The following ATP8B4 variants were observed in gnomAD, a reference collection of about 807,000 sequenced individuals.
The protein encoded by ATP8B4 is ATPase phospholipid transporting 8B4 (putative).
In ATP8B4, 133 loss-of-function variants were observed where a neutral mutation model predicts 145.6. The observed-to-expected ratio is 0.91, with a 90% CI of 0.79 to 1.05. ATP8B4 has a LOEUF of 1.05. ATP8B4 is among the 50% of genes least tolerant of loss of function. The pLI is 0.00. For synonymous variants in ATP8B4, 507 were observed against 492.9 expected, an observed-to-expected ratio of 1.03 and a Z score of -0.38; for missense variants, 1,458 against 1,425.2, an observed-to-expected ratio of 1.02 and a Z score of -0.37.
At chr15:49,991,325 C>G (rs772561464) in intron 9 of ATP8B4, among the ~76,000 whole-genome samples, 2 of 152,166 alleles carry the variant, frequency 1.3e-5, no homozygotes, top group Non-Finnish European at 2.9e-5. Flanking sequence ...TCAGCATTAA[C>G]AGTCATACAA....
chr15:50,114,103 C>CTTTTTTTTTTTTGTTTTTTTTTTT (rs2057081986), intron 1 of ATP8B4, among the ~76,000 whole-genome samples: 1 of 55,644 alleles, frequency 1.8e-5, no homozygotes, highest in Non-Finnish European at 3.1e-5. Context: ...CTCCTAGTTT[C>CTTTTTTTTTTTTGTTTTTTTTTTT]TTTTTTTTTT....
At chr15:50,080,079 C>T (rs2054444158) in intron 2 of ATP8B4, among the ~76,000 whole-genome samples, 1 of 152,096 alleles carries the variant, frequency 6.6e-6, no homozygotes, top group Admixed American at 6.5e-5. Context: ...TGAATCTGCT[C>T]CAGAATATAG....
intron 24 of ATP8B4, among the ~76,000 whole-genome samples, chr15:49,878,622 T>A (rs992170315): frequency 6.6e-6 from 1 of 152,226 alleles, no homozygotes; most frequent in Non-Finnish European, 1.5e-5. Context: ...GCAGCCAGAC[T>A]TTTTCCCCTT....
intron 3 of ATP8B4, among the ~76,000 whole-genome samples, chr15:50,054,225 C>T (rs894447025): frequency 6.6e-6 from 1 of 152,154 alleles, no homozygotes; most frequent in Non-Finnish European, 1.5e-5. Context: ...CATGAGTCTC[C>T]TCATCAGATA....
At chr15:50,008,145 A>G (rs569521676) in intron 7 of ATP8B4, among the ~76,000 whole-genome samples, 151 of 152,240 alleles carry the variant, frequency 9.9e-4, no homozygotes, top group African/African-American at 3.6e-3. Context: ...CAATACCCCC[A>G]CCACAGGGAT....
chr15:49,907,908 G>A, intron 20 of ATP8B4: 2 of 371,808 alleles, frequency 5.4e-6, no homozygotes, highest in South Asian at 4.1e-5. Context: ...TATATTTTTA[G>A]GTTAATTATT....
Position 49,860,204 on chromosome 15 carries a change from A to C in ATP8B4, c.3569T>G (p.Val1190Gly), listed in dbSNP as rs16962987. The change falls in exon 28 of 28, where the codon GTG (valine) becomes GGG (glycine). Residue 1190 changes from valine (V) to glycine (G), a missense_variant. Coordinates refer to ENST00000284509, the MANE Select transcript of ATP8B4 (RefSeq NM_024837.4). ...TAAATTCATATTGACTCACAGTTTC[A>C]CTGTTTTATCCTGGCTAAAGCTGCT... ...TVSSFSQDKTVKL is the reference protein window; with the variant it reads ...TVSSFSQDKTGKL The C allele has an allele frequency of 1.1e-3, 1,837 of 1,609,008 alleles. 21 individuals are homozygous for C. The African/African-American group carries it at 0.022, about 19-fold the overall frequency.
intron 15 of ATP8B4, among the ~76,000 whole-genome samples, chr15:49,933,370 G>C (rs537205420): frequency 6.6e-6 from 1 of 152,118 alleles, no homozygotes; most frequent in East Asian, 1.9e-4. Flanking sequence ...GAATAGATTA[G>C]GTTCAACTAG....
At chr15:50,158,442 G>T (rs1013793989) in intron 1 of ATP8B4, among the ~76,000 whole-genome samples, 7 of 151,038 alleles carry the variant, frequency 4.6e-5, no homozygotes, top group African/African-American at 1.7e-4. Flanking sequence ...GAGGTGGGGG[G>T]TCAGACCCCG....
intron 3 of ATP8B4, among the ~76,000 whole-genome samples, chr15:50,069,207 A>G (rs2053572468): frequency 2.6e-5 from 4 of 152,170 alleles, no homozygotes; most frequent in Admixed American, 2.6e-4. Context: ...CCCTCTTGTA[A>G]TTTGACGTTT....
chr15:49,965,745 T>G lies in ATP8B4; in HGVS notation c.1244-3725A>C, dbSNP rs116647613. Among the ~76,000 whole-genome samples the G allele has an allele frequency of 6.5e-3, 995 of 152,144 alleles. 14 individuals are homozygous for G. Among genetic ancestry groups the G allele is most frequent in the African/African-American group, 0.023 (953 of 41,478 alleles). ...AAAATGCTGCCCTTACTGACATAACTCAGGCTACCAAGAACTTGCCCTCCC... is the reference window on the plus strand; with the variant it reads ...AAAATGCTGCCCTTACTGACATAACGCAGGCTACCAAGAACTTGCCCTCCC... On this transcript the variant is annotated intron_variant, in intron 13 of 27. Coordinates refer to ENST00000284509, the MANE Select transcript of ATP8B4 (RefSeq NM_024837.4).
At chr15:50,150,072 G>A (rs928887166) in intron 1 of ATP8B4, among the ~76,000 whole-genome samples, 1 of 151,798 alleles carries the variant, frequency 6.6e-6, no homozygotes, top group African/African-American at 2.4e-5. Context: ...CTGCACTCCA[G>A]TCTGGGTGAC....
intron 2 of ATP8B4, among the ~76,000 whole-genome samples, chr15:50,079,588 A>C (rs2054410050): frequency 2.0e-5 from 3 of 152,168 alleles, no homozygotes; most frequent in Admixed American, 1.3e-4. Context: ...TACCTTAGAA[A>C]TCCTCATAAG....
intron 26 of ATP8B4, among the ~76,000 whole-genome samples, chr15:49,863,342 C>G (rs549772033): frequency 1.4e-4 from 22 of 152,330 alleles, no homozygotes; most frequent in African/African-American, 5.3e-4. Context: ...CATTTCCAAG[C>G]CTGAAGCCAG....
chr15:50,146,698 T>A (rs554265796), intron 1 of ATP8B4, among the ~76,000 whole-genome samples: 3 of 152,178 alleles, frequency 2.0e-5, no homozygotes, highest in Non-Finnish European at 4.4e-5. Context: ...GTCACCAACA[T>A]TTAGGCTCAT....
chr15:50,011,065 C>T (rs112429340), intron 6 of ATP8B4, 148 bp from the exon 7 acceptor site: 29 of 530,168 alleles, frequency 5.5e-5, no homozygotes, highest in African/African-American at 3.6e-4. Flanking sequence ...TACATTAACA[C>T]GGGAACAAAG....
At chr15:50,111,912 A>G (rs2056966630) in intron 1 of ATP8B4, among the ~76,000 whole-genome samples, 1 of 152,192 alleles carries the variant, frequency 6.6e-6, no homozygotes, top group Non-Finnish European at 1.5e-5. Context: ...TCATGCCTGT[A>G]ATCCCAACAC....
At chr15:50,093,178 C>A (rs1281957069) in intron 2 of ATP8B4, among the ~76,000 whole-genome samples, 1 of 151,034 alleles carries the variant, frequency 6.6e-6, no homozygotes, top group Non-Finnish European at 1.5e-5. Flanking sequence ...AATTCATTAC[C>A]AGCATTCCCA....
intron 17 of ATP8B4, among the ~76,000 whole-genome samples, chr15:49,921,764 T>C (rs529003982): frequency 1.6e-4 from 25 of 152,312 alleles, no homozygotes; most frequent in African/African-American, 6.0e-4. Context: ...CCCAGACAGA[T>C]ATTGAGAAAA....
Sources: gnomAD v4.1 joint callset for allele counts (sites outside exome capture counted in the v4.1 genomes callset) on GRCh38, gnomAD v4.1.1 for gene constraint, MANE v1.5 for transcripts, NCBI Gene and HGNC (gene_info 2026-07-23, HGNC 2026-07-21) for gene names.